The following SYNE2 variants were observed in gnomAD, a reference collection of about 807,000 sequenced individuals.
The protein encoded by SYNE2 is spectrin repeat containing nuclear envelope protein 2, also known as nesprin-2.
A neutral mutation model predicts 856.3 loss-of-function variants in SYNE2; 431 were observed. The ratio of observed to expected loss-of-function variants is 0.50; its 90% confidence interval spans 0.47 to 0.55. SYNE2 has a LOEUF of 0.55. SYNE2 is among the 20% of genes least tolerant of loss of function. The pLI, the probability that SYNE2 is intolerant of heterozygous loss-of-function variation, is 0.00. For synonymous variants in SYNE2, 2,923 were observed against 2,872.3 expected, an observed-to-expected ratio of 1.02 and a Z score of -0.56; for missense variants, 8,129 against 8,023.2, an observed-to-expected ratio of 1.01 and a Z score of -0.50.
At chr14:64,133,639 G>C (rs117503191) in intron 77 of SYNE2, among the ~76,000 whole-genome samples, 1 of 152,168 alleles carries the variant, frequency 6.6e-6, no homozygotes, top group Non-Finnish European at 1.5e-5. Flanking sequence ...GGGCTTGGGC[G>C]TGGGCTTGGA....
intron 9 of SYNE2, among the ~76,000 whole-genome samples, chr14:63,962,231 T>C (rs2096328375): frequency 6.6e-6 from 1 of 151,898 alleles, no homozygotes; most frequent in African/African-American, 2.4e-5. Context: ...GATTTTTGTA[T>C]ATTTGGTAGA....
rs1235486090 is a variant in SYNE2, at chr14:63,967,642, A to G, written c.991-67A>G. On this transcript the variant is annotated intron_variant, in intron 10 of 115. Transcript: ENST00000555002. Reference sequence around the variant, plus strand: ...ATATCCTATACCTATAGACCTCAAAATAACAGATTATATGATATAAATGGA... The same window carrying G: ...ATATCCTATACCTATAGACCTCAAAGTAACAGATTATATGATATAAATGGA... 7.8e-6 allele frequency: 12 copies of G among 1,531,246 alleles called. No homozygotes were observed. In the Admixed American group the frequency reaches 1.8e-4, roughly 23 times the overall value. 94.9% of individuals were successfully genotyped at this position (1,531,246 alleles called of 1,614,324 possible). A position where few individuals can be genotyped will look rare whatever the true frequency, so the allele number is the denominator to read the frequency against.
In SYNE2 at chr14:64,177,382, A is replaced by G. The variant is rs764740546; in HGVS notation, c.17455A>G (p.Ile5819Val). 3.1e-6 allele frequency: 5 copies of G among 1,614,224 alleles called. No homozygotes were observed. The highest frequency in any genetic ancestry group is 4.2e-6 in the Non-Finnish European group (5 of 1,180,042). The part of the protein sequence containing the change: ...VETWDQCEKK[I>V]KELKSRLQVL... Reference sequence around the variant, plus strand: ...GACCTGGGACCAGTGTGAAAAGAAAATCAAGGAGTTGAAAAGCAGGCTGCA... The same window carrying G: ...GACCTGGGACCAGTGTGAAAAGAAAGTCAAGGAGTTGAAAAGCAGGCTGCA... Residue 5819 changes from isoleucine (I) to valine (V), a missense_variant, in exon 96 of 116, where the codon ATC becomes GTC. By Grantham distance (29) the Ile-to-Val change is conservative. Around this residue, in one of 3 missense-constraint regions of SYNE2, gnomAD observed 5,410 missense variants for 5,284.8 expected, o/e 1.02. Transcript: ENST00000555002.
At chr14:63,810,849 A>C (rs1331314329) in intron 1 of SYNE2, among the ~76,000 whole-genome samples, 1 of 151,758 alleles carries the variant, frequency 6.6e-6, no homozygotes, top group South Asian at 2.1e-4. Context: ...TCCTTTTTTT[A>C]TTTAAGACAG....
chr14:63,893,402 C>CA (rs1287624850), intron 1 of SYNE2, among the ~76,000 whole-genome samples: 1 of 151,408 alleles, frequency 6.6e-6, no homozygotes, highest in Non-Finnish European at 1.5e-5. Flanking sequence ...TTTGTCACTA[C>CA]AAAAAAAATT....
At chr14:63,770,336 T>C (rs1886853656) in intron 1 of SYNE2, among the ~76,000 whole-genome samples, 1 of 152,140 alleles carries the variant, frequency 6.6e-6, no homozygotes, top group South Asian at 2.1e-4. Context: ...CCCTATCCTG[T>C]GTGGACTTGA....
chr14:63,972,506 G>A (rs1318930957), intron 11 of SYNE2, among the ~76,000 whole-genome samples: 3 of 152,152 alleles, frequency 2.0e-5, no homozygotes, highest in African/African-American at 7.2e-5. Context: ...AACCATGTAT[G>A]CAGTTTCTGG....
At position 63,994,041 on chromosome 14, in the gene SYNE2, ATTCCTGGGGTT is replaced by A. The variant is rs1042056888; in HGVS notation, c.2781+79_2781+89del. The A allele has an allele frequency of 1.2e-4, 176 of 1,510,770 alleles. No homozygotes were observed. The Middle Eastern group carries it at 2.1e-3, about 18-fold the overall frequency. The allele number at this position is 1,510,770 out of a possible 1,614,324, so 93.6% of individuals were successfully genotyped here. On this transcript the variant is annotated intron_variant, in intron 22 of 115. Coordinates refer to ENST00000555002, the MANE Select transcript of SYNE2 (RefSeq NM_182914.3). ...TCCTGGGCTGTTGGTTGTCAGAGCCATTCCTGGGGTTTTCCTGTCTACGTTGTATCACCAGT... is the reference window on the plus strand; with the variant it reads ...TCCTGGGCTGTTGGTTGTCAGAGCCATTCCTGTCTACGTTGTATCACCAGT...
intron 51 of SYNE2, among the ~76,000 whole-genome samples, chr14:64,068,097 C>A (rs1262241): frequency 0.89 from 136,066 of 152,266 alleles, 61,056 homozygotes; most frequent in Non-Finnish European, 0.94. Flanking sequence ...TGCAAAGCCT[C>A]TTCTAGGTGG....
intron 80 of SYNE2, among the ~76,000 whole-genome samples, 169 bp from the exon 81 acceptor site, chr14:64,141,172 C>A (rs1205514167): frequency 6.6e-6 from 1 of 151,828 alleles, no homozygotes; most frequent in Non-Finnish European, 1.5e-5. Flanking sequence ...TCTTTTGTTC[C>A]CCATCGTGTA....
Position 64,052,841 on chromosome 14 carries a change from TG to T in SYNE2, c.8929del (p.Val2977LeufsTer23), listed in dbSNP as rs1567163937. 6.2e-7 allele frequency: 1 copy of T among 1,613,634 alleles called. No homozygotes were observed. The highest frequency in any genetic ancestry group is 1.7e-5 in the Admixed American group (1 of 59,926). On this transcript the variant is annotated frameshift_variant, in exon 48 of 116. Coordinates refer to ENST00000555002, the MANE Select transcript of SYNE2 (RefSeq NM_182914.3). LOFTEE classifies it high-confidence loss of function. ...TACTTAATCAAGAAGTAAATAAAGG[TG>T]TTAAAGAGGAGATCTATAATCTTAA... ...LLLNQEVNKG[V>X]KEEIYNLKDR...
At chr14:64,075,260 A>G (rs2097448950) in intron 53 of SYNE2, among the ~76,000 whole-genome samples, 1 of 152,198 alleles carries the variant, frequency 6.6e-6, no homozygotes, top group African/African-American at 2.4e-5. Flanking sequence ...GTCAAGAAGT[A>G]TTTTTCCACT....
At chr14:63,906,084 T>G (rs1350706540) in intron 1 of SYNE2, among the ~76,000 whole-genome samples, 1 of 152,238 alleles carries the variant, frequency 6.6e-6, no homozygotes, top group East Asian at 1.9e-4. Flanking sequence ...CTTTTAATTC[T>G]GTTTATGTGG....
intron 82 of SYNE2, 125 bp from the exon 83 acceptor site, chr14:64,143,647 A>G (rs1265190180): frequency 1.0e-6 from 1 of 983,238 alleles, no homozygotes; most frequent in Non-Finnish European, 1.6e-6. Flanking sequence ...GTAGAACAGA[A>G]CTCCTGACAG....
intron 1 of SYNE2, among the ~76,000 whole-genome samples, chr14:63,807,671 A>AT (rs57982905): frequency 2.1e-4 from 29 of 140,766 alleles, no homozygotes; most frequent in South Asian, 1.8e-3. Context: ...TTTCCTTACC[A>AT]TTTTTTTTTT....
intron 1 of SYNE2, among the ~76,000 whole-genome samples, chr14:63,845,613 A>G (rs1362578781): frequency 2.0e-5 from 3 of 151,850 alleles, no homozygotes; most frequent in African/African-American, 7.3e-5. Flanking sequence ...TATTTGACAT[A>G]ATTGATTTCT....
chr14:64,151,507 T>C (rs1269546751), intron 84 of SYNE2, among the ~76,000 whole-genome samples: 2 of 63,484 alleles, frequency 3.2e-5, no homozygotes, highest in African/African-American at 1.2e-4. Context: ...GGCAAAGCAA[T>C]TTTCAAAAAA....
chr14:64,011,595 C>G (rs969022021), intron 32 of SYNE2, among the ~76,000 whole-genome samples: 3 of 152,146 alleles, frequency 2.0e-5, no homozygotes, highest in African/African-American at 7.2e-5. Context: ...CCTTGAGACC[C>G]TTCCTTGTAT....
In SYNE2 at chr14:64,202,840, G is replaced by C; in HGVS notation, c.18078G>C (p.Gln6026His). 4 of 1,614,124 alleles carry C rather than the reference G, an allele frequency of 2.5e-6. No individual in the cohort carries two copies. The highest frequency in any genetic ancestry group is 3.4e-6 in the Non-Finnish European group (4 of 1,180,030). Residue 6026 changes from glutamine to histidine, a missense_variant, in exon 100 of 116, where the codon CAG becomes CAC. Physicochemically the swap from Gln to His is conservative, Grantham distance 24. Transcript: ENST00000555002. ...KLKETFAFIQ[Q>H]LDKNMSNLRT... is the part of the protein sequence containing the mutation. ...AGGAGACCTTTGCTTTTATTCAGCAGTTGGACAAAAACATGAGCAACCTTC... is the reference window on the plus strand; with the variant it reads ...AGGAGACCTTTGCTTTTATTCAGCACTTGGACAAAAACATGAGCAACCTTC...
Sources: gnomAD v4.1 joint callset for allele counts (sites outside exome capture counted in the v4.1 genomes callset) on GRCh38, gnomAD v4.1.1 for gene constraint, gnomAD v4.1.1 regional missense constraint, MANE v1.5 for transcripts, NCBI Gene and HGNC (gene_info 2026-07-23, HGNC 2026-07-21) for gene names.